CADM1: variants seen among roughly 807,000 people sequenced by gnomAD.
The protein encoded by CADM1 is TSLC-1.
Under a neutral mutation model 53.1 loss-of-function variants are expected in CADM1, and 15 were observed. The observed-to-expected ratio is 0.28, with a 90% CI of 0.19 to 0.44. The LOEUF (loss-of-function observed/expected upper bound fraction) is 0.44, where lower values mean the gene tolerates loss of function less well. Ranked by LOEUF, CADM1 falls within the 20% of genes least tolerant of loss-of-function variation. The pLI is 1.00. For missense variants in CADM1, 434 were observed against 611.3 expected, an observed-to-expected ratio of 0.71 and a Z score of 3.06; for synonymous variants, 281 against 243.0, an observed-to-expected ratio of 1.16 and a Z score of -1.45.
At chr11:115,242,143 T>G (rs1303153395) in intron 1 of CADM1, among the ~76,000 whole-genome samples, 1 of 151,800 alleles carries the variant, frequency 6.6e-6, no homozygotes, top group East Asian at 1.9e-4. Flanking sequence ...GACAAAAATT[T>G]CTGATGCTTG....
chr11:115,203,965 AG>A (rs1196901386), intron 8 of CADM1, among the ~76,000 whole-genome samples: 1 of 152,244 alleles, frequency 6.6e-6, no homozygotes, highest in Non-Finnish European at 1.5e-5. Context: ...GTGGCTCATG[AG>A]TATTTACTAG....
At chr11:115,261,597 G>A (rs1420300170) in intron 1 of CADM1, among the ~76,000 whole-genome samples, 1 of 152,060 alleles carries the variant, frequency 6.6e-6, no homozygotes, top group East Asian at 1.9e-4. Context: ...ACTATCTTAT[G>A]TGTCCGTCAT....
chr11:115,460,260 T>C (rs577519585), intron 1 of CADM1, among the ~76,000 whole-genome samples: 1 of 152,320 alleles, frequency 6.6e-6, no homozygotes, highest in African/African-American at 2.4e-5. Context: ...GTTTGCTCTC[T>C]AACGCAAACC....
intron 1 of CADM1, among the ~76,000 whole-genome samples, chr11:115,326,717 T>C (rs545879510): frequency 2.0e-5 from 3 of 152,188 alleles, no homozygotes; most frequent in African/African-American, 4.8e-5. Context: ...TTAAAGATGA[T>C]GAATATTAAA....
chr11:115,469,870 C>T (rs953799042), intron 1 of CADM1, among the ~76,000 whole-genome samples: 5 of 152,078 alleles, frequency 3.3e-5, no homozygotes, highest in Non-Finnish European at 5.9e-5. Context: ...CGGGCTTTCG[C>T]CATGTTGGCC....
At chr11:115,480,070 A>G (rs536573194) in intron 1 of CADM1, among the ~76,000 whole-genome samples, 3 of 152,362 alleles carry the variant, frequency 2.0e-5, no homozygotes, top group Admixed American at 6.5e-5. Flanking sequence ...CAGAAATTCC[A>G]AACATTTCAG....
intron 1 of CADM1, among the ~76,000 whole-genome samples, chr11:115,459,565 G>A (rs768626246): frequency 1.3e-5 from 2 of 152,168 alleles, no homozygotes; most frequent in Non-Finnish European, 2.9e-5. Flanking sequence ...AAAAGAGAGA[G>A]AGCATACTCT....
At chr11:115,253,715 G>C (rs1473525846) in intron 1 of CADM1, among the ~76,000 whole-genome samples, 1 of 152,140 alleles carries the variant, frequency 6.6e-6, no homozygotes, top group African/African-American at 2.4e-5. Flanking sequence ...ACTGACCATG[G>C]AGGAATTCCT....
At chr11:115,349,663 C>T (rs76339521) in intron 1 of CADM1, among the ~76,000 whole-genome samples, 1,962 of 152,276 alleles carry the variant, frequency 0.013, 35 homozygotes, top group Middle Eastern at 0.041. Flanking sequence ...ATTTCGTACA[C>T]TCTCACTAAT....
chr11:115,445,284 G>A (rs1057079909), intron 1 of CADM1, among the ~76,000 whole-genome samples: 35 of 151,972 alleles, frequency 2.3e-4, no homozygotes, highest in Admixed American at 2.6e-4. Flanking sequence ...ATAAGCAGTC[G>A]GCTTGGGGAC....
chr11:115,278,201 C>T (rs1400617294), intron 1 of CADM1, among the ~76,000 whole-genome samples: 6 of 152,098 alleles, frequency 3.9e-5, no homozygotes, highest in Admixed American at 3.3e-4. Context: ...AATACCCGCC[C>T]TGTGAACTAA....
chr11:115,432,791 G>A lies in CADM1; in HGVS notation c.124+71480C>T, dbSNP rs564023158. ...AATGCAACATACCCAGCTCACGCAT[G>A]ACAAACGAAAATCTGTCCACACAAA... is the stretch of plus-strand genomic sequence containing the variant. On this transcript the variant is annotated intron_variant, in intron 1 of 11. Coordinates refer to ENST00000331581, the MANE Select transcript of CADM1 (RefSeq NM_001301043.2). Among the ~76,000 whole-genome samples the A allele has an allele frequency of 3.3e-5, 5 of 152,274 alleles. No homozygotes were observed. In the South Asian group the frequency reaches 1.0e-3, roughly 32 times the overall value.
intron 1 of CADM1, among the ~76,000 whole-genome samples, chr11:115,453,609 C>T (rs1169944160): frequency 2.0e-5 from 3 of 152,122 alleles, no homozygotes; most frequent in Non-Finnish European, 4.4e-5. Context: ...AGTGATTCTC[C>T]TGCCTCGGCC....
At chr11:115,221,286 C>T (rs7945096) in intron 5 of CADM1, among the ~76,000 whole-genome samples, 1 of 152,108 alleles carries the variant, frequency 6.6e-6, no homozygotes, top group African/African-American at 2.4e-5. Context: ...TCAATTAGGT[C>T]GAGGGATCTG....
intron 1 of CADM1, among the ~76,000 whole-genome samples, chr11:115,260,697 G>A (rs1942946576): frequency 6.6e-6 from 1 of 151,800 alleles, no homozygotes; most frequent in Admixed American, 6.6e-5. Flanking sequence ...TTTTCAGACG[G>A]GGTCTCGCTC....
intron 1 of CADM1, among the ~76,000 whole-genome samples, chr11:115,360,972 G>A (rs1360119699): frequency 6.6e-6 from 1 of 152,178 alleles, no homozygotes; most frequent in Non-Finnish European, 1.5e-5. Context: ...TAGGTACTAG[G>A]CATTCAGAGT....
intron 1 of CADM1, among the ~76,000 whole-genome samples, chr11:115,292,868 T>C (rs915036890): frequency 6.6e-6 from 1 of 152,320 alleles, no homozygotes; most frequent in East Asian, 1.9e-4. Flanking sequence ...TTTTTGAACA[T>C]GTTGAATCAA....
intron 8 of CADM1, 70 bp from the exon 9 acceptor site, chr11:115,198,508 T>C (rs527785326): frequency 2.4e-6 from 3 of 1,245,324 alleles, no homozygotes; most frequent in Admixed American, 3.8e-5. Context: ...AAAGGGAAAA[T>C]GGAAAAAAAA....
intron 1 of CADM1, among the ~76,000 whole-genome samples, chr11:115,349,818 G>T (rs1259343889): frequency 6.6e-6 from 1 of 152,108 alleles, no homozygotes; most frequent in Non-Finnish European, 1.5e-5. Context: ...CCATTAGAGG[G>T]ATTAATGACT....
Sources: allele counts gnomAD v4.1 joint callset (sites outside exome capture counted in the v4.1 genomes callset), GRCh38; gene constraint gnomAD v4.1.1; transcripts MANE v1.5; gene names NCBI Gene and HGNC (gene_info 2026-07-23, HGNC 2026-07-21).